The following KLHL3 variants were observed in gnomAD, a reference collection of about 807,000 sequenced individuals.
KLHL3 encodes the protein kelch like family member 3.
Under a neutral mutation model 70.5 loss-of-function variants are expected in KLHL3, and 19 were observed. The ratio of observed to expected loss-of-function variants is 0.27; its 90% CI spans 0.19 to 0.40. KLHL3 has a LOEUF of 0.40. Among genes scored for constraint, KLHL3 ranks in the 10% least tolerant of loss-of-function variants. The pLI is 1.00. For synonymous variants in KLHL3, 258 were observed against 290.3 expected (o/e 0.89, Z 1.13); for missense variants, 512 against 771.1 (o/e 0.66, Z 3.98).
At chr5:137,682,115 T>C (rs1315786563) in intron 5 of KLHL3, among the ~76,000 whole-genome samples, 1 of 152,072 alleles carries the variant, frequency 6.6e-6, no homozygotes, top group African/African-American at 2.4e-5. Flanking sequence ...ATTTTACATA[T>C]ATTATGTCTC....
intron 7 of KLHL3, among the ~76,000 whole-genome samples, chr5:137,658,563 C>T (rs1751399446): frequency 6.6e-6 from 1 of 152,210 alleles, no homozygotes; most frequent in Admixed American, 6.5e-5. Flanking sequence ...TACAACCTCA[C>T]TAGTTTTGTT....
chr5:137,640,944 C>T (rs1050684547), intron 8 of KLHL3, among the ~76,000 whole-genome samples: 3 of 152,128 alleles, frequency 2.0e-5, no homozygotes, highest in Admixed American at 2.0e-4. Flanking sequence ...TTACATGTGT[C>T]TTCTGGATAG....
At chr5:137,651,621 T>C (rs1349518168) in intron 8 of KLHL3, among the ~76,000 whole-genome samples, 3 of 152,190 alleles carry the variant, frequency 2.0e-5, no homozygotes, top group Admixed American at 6.5e-5. Context: ...GATTTAATAT[T>C]ATTAAGATGG....
At chr5:137,670,677 C>A (rs1383377802) in intron 6 of KLHL3, among the ~76,000 whole-genome samples, 9 of 151,850 alleles carry the variant, frequency 5.9e-5, no homozygotes, top group East Asian at 3.9e-4. Context: ...AACAAACAAA[C>A]AAAAAAACCT....
chr5:137,653,872 TA>T (rs1279068876), intron 8 of KLHL3, among the ~76,000 whole-genome samples: 1 of 152,198 alleles, frequency 6.6e-6, no homozygotes, highest in Non-Finnish European at 1.5e-5. Context: ...CGTGAATGAA[TA>T]AACTATGGTC....
rs1309103766 is a variant in KLHL3, at chr5:137,628,724, GACAGACAGACAT to G, written c.1451-299_1451-288del. On this transcript the variant is annotated intron_variant, in intron 12 of 14. Coordinates refer to ENST00000309755, the MANE Select transcript of KLHL3 (RefSeq NM_017415.3). ...ATATATATATATATACACACACACA[GACAGACAGACAT>G]ACATACATACATACATACATACATA... 126 of 64,438 alleles carry G rather than the reference GACAGACAGACAT, an allele frequency of 2.0e-3. 4 individuals carry two copies. Among genetic ancestry groups the G allele is most frequent in the Non-Finnish European group, 3.0e-3 (72 of 23,868 alleles). 4.0% of individuals were successfully genotyped at this position (64,438 alleles called of 1,614,324 possible). A position where few individuals can be genotyped will look rare whatever the true frequency, so the allele number is the denominator to read the frequency against.
At chr5:137,718,654 A>G (rs978070474) in intron 2 of KLHL3, among the ~76,000 whole-genome samples, 41 of 152,236 alleles carry the variant, frequency 2.7e-4, no homozygotes, top group Non-Finnish European at 4.7e-4. Flanking sequence ...AGACTCCTAA[A>G]TCAGACAAAG....
At chr5:137,642,308 C>T (rs1687173863) in intron 8 of KLHL3, among the ~76,000 whole-genome samples, 1 of 152,210 alleles carries the variant, frequency 6.6e-6, no homozygotes, top group South Asian at 2.1e-4. Context: ...TCGAAACCTT[C>T]CCATCTCTGA....
At position 137,712,316 on chromosome 5, in the gene KLHL3, G is replaced by A. The variant is rs150428141; in HGVS notation, c.135-2460C>T. On this transcript the variant is annotated intron_variant, in intron 2 of 14. Coordinates refer to ENST00000309755, the MANE Select transcript of KLHL3 (RefSeq NM_017415.3). ...GGTGTGTTATCTTGCACAAACCCAG[G>A]GAGCCTGACAATTTTTGAACAAATG... Among the ~76,000 whole-genome samples, 44 of 152,218 alleles carry A rather than the reference G, an allele frequency of 2.9e-4. 2 individuals carry two copies. In the East Asian group the frequency reaches 7.9e-3, roughly 27 times the overall value.
intron 6 of KLHL3, among the ~76,000 whole-genome samples, chr5:137,668,194 GAAGTC>G (rs1192274299): frequency 2.6e-5 from 4 of 152,280 alleles, no homozygotes; most frequent in Admixed American, 2.6e-4. Flanking sequence ...GGCGGATCAC[GAAGTC>G]AAGAGATTGA....
intron 1 of KLHL3, chr5:137,721,412 C>G (rs1009209342): frequency 6.6e-6 from 1 of 152,168 alleles, no homozygotes; most frequent in Non-Finnish European, 1.5e-5. Context: ...GAGAAGCCAT[C>G]AAAGGGTTTT....
intron 6 of KLHL3, among the ~76,000 whole-genome samples, chr5:137,676,053 A>G (rs1751876826): frequency 1.3e-5 from 2 of 152,198 alleles, no homozygotes; most frequent in Admixed American, 6.5e-5. Context: ...TAAGGCAGGA[A>G]GGGTCCTATG....
chr5:137,660,801 T>G (rs1751453953), intron 7 of KLHL3: 1 of 152,202 alleles, frequency 6.6e-6, no homozygotes, highest in Non-Finnish European at 1.5e-5. Context: ...ATTATCTCAT[T>G]TTATTGTTTA....
intron 8 of KLHL3, among the ~76,000 whole-genome samples, chr5:137,654,822 T>A (rs1751299312): frequency 1.3e-5 from 2 of 152,202 alleles, no homozygotes; most frequent in African/African-American, 4.8e-5. Flanking sequence ...GACAGAAGGA[T>A]GGCTTTGACC....
At chr5:137,708,632 A>C (rs552436368) in intron 3 of KLHL3, among the ~76,000 whole-genome samples, 28 of 152,284 alleles carry the variant, frequency 1.8e-4, no homozygotes, top group Admixed American at 1.6e-3. Context: ...TAGTGAGGAG[A>C]GACAGGTAAA....
intron 12 of KLHL3, chr5:137,630,067 T>C (rs1048024128): frequency 6.6e-6 from 1 of 152,062 alleles, no homozygotes; most frequent in Non-Finnish European, 1.5e-5. Context: ...GGGCCTTTGG[T>C]CTCTGGGTCT....
chr5:137,657,978 T>C (rs900980391), intron 8 of KLHL3, among the ~76,000 whole-genome samples, 153 bp downstream of exon 8: 2 of 152,110 alleles, frequency 1.3e-5, no homozygotes, highest in Non-Finnish European at 2.9e-5. Context: ...TACCAGCAGA[T>C]TCAAGAGGAA....
intron 10 of KLHL3, among the ~76,000 whole-genome samples, 168 bp from the exon 11 acceptor site, chr5:137,637,563 CA>C (rs1750799451): frequency 6.6e-6 from 1 of 152,258 alleles, no homozygotes; most frequent in South Asian, 2.1e-4. Context: ...CCCTGAAACA[CA>C]TCTGCAGTGT....
intron 3 of KLHL3, among the ~76,000 whole-genome samples, chr5:137,705,571 A>G (rs1411335535): frequency 2.6e-5 from 4 of 152,240 alleles, no homozygotes; most frequent in African/African-American, 9.6e-5. Context: ...ATACAGTACA[A>G]TATGACCAGA....
Sources: gnomAD v4.1 joint callset for allele counts (sites outside exome capture counted in the v4.1 genomes callset) on GRCh38, gnomAD v4.1.1 for gene constraint, MANE v1.5 for transcripts, NCBI Gene and HGNC (gene_info 2026-07-23, HGNC 2026-07-21) for gene names.